PDE4D: variants seen among roughly 807,000 people sequenced by gnomAD.
The protein encoded by PDE4D is 3',5'-cyclic-AMP phosphodiesterase 4D.
In PDE4D, 24 loss-of-function variants were observed where a neutral mutation model predicts 87.4. The observed-to-expected ratio is 0.27, with a 90% CI of 0.20 to 0.39. The LOEUF is 0.39. Among genes scored for constraint, PDE4D ranks in the 10% least tolerant of loss-of-function variants. The pLI is 1.00. For synonymous variants in PDE4D, 384 were observed against 383.2 expected (o/e 1.00, Z -0.02); for missense variants, 714 against 1,041.0 (o/e 0.69, Z 4.32).
chr5:58,991,575 G>C (rs186935438), intron 8 of PDE4D, among the ~76,000 whole-genome samples: 66 of 152,086 alleles, frequency 4.3e-4, no homozygotes, highest in Non-Finnish European at 8.2e-4. Flanking sequence ...CAGAAGACAT[G>C]ACAGATTTCT....
At position 59,764,786 on chromosome 5, in the gene PDE4D, G is replaced by C. The variant is rs77592845; in HGVS notation, c.455+128382C>G. 8.1e-3 allele frequency among the ~76,000 whole-genome samples: 1,230 copies of C among 151,462 alleles called. 10 individuals are homozygous for C. The highest frequency in any genetic ancestry group is 0.029 in the African/African-American group (1,179 of 41,220). On this transcript the variant is annotated intron_variant, in intron 1 of 14. Coordinates refer to ENST00000340635, the MANE Select transcript of PDE4D (RefSeq NM_001104631.2). ...TTCTCGTGCCTCAGCCTCCTGTGGA[G>C]CTGGGATTACAGGCACACATCACCA...
intron 1 of PDE4D, among the ~76,000 whole-genome samples, chr5:59,816,441 A>C (rs1350093033): frequency 1.3e-5 from 2 of 152,234 alleles, no homozygotes; most frequent in Non-Finnish European, 2.9e-5. Context: ...TTGGGAAAAA[A>C]AATGAATGAG....
At chr5:59,063,544 T>G (rs1763455035) in intron 5 of PDE4D, 1 of 152,208 alleles carries the variant, frequency 6.6e-6, no homozygotes. Flanking sequence ...GCTACTAAAC[T>G]TCAAGCCAAC....
At chr5:59,857,220 C>T (rs760771424) in intron 1 of PDE4D, among the ~76,000 whole-genome samples, 1 of 152,178 alleles carries the variant, frequency 6.6e-6, no homozygotes, top group African/African-American at 2.4e-5. Flanking sequence ...TCTGGGTTTA[C>T]ACATCACGCA....
chr5:59,443,682 A>G (rs1797963933), intron 1 of PDE4D, among the ~76,000 whole-genome samples: 1 of 152,246 alleles, frequency 6.6e-6, no homozygotes, highest in Non-Finnish European at 1.5e-5. Flanking sequence ...TGGTACAACC[A>G]TATTTTAAAT....
intron 1 of PDE4D, among the ~76,000 whole-genome samples, chr5:59,387,185 A>G (rs559881968): frequency 1.6e-4 from 24 of 152,316 alleles, no homozygotes; most frequent in African/African-American, 5.8e-4. Context: ...ACAAAAAGTT[A>G]ACTATTTAAT....
chr5:59,407,145 C>G (rs1007177578), intron 1 of PDE4D, among the ~76,000 whole-genome samples: 1 of 152,118 alleles, frequency 6.6e-6, no homozygotes. Flanking sequence ...TGGGAGGTGT[C>G]TGAGTCATGG....
chr5:60,410,164 G>A (rs1383087822), intron 1 of PDE4D, among the ~76,000 whole-genome samples: 1 of 152,166 alleles, frequency 6.6e-6, no homozygotes, highest in Non-Finnish European at 1.5e-5. Context: ...AAAGTGACTA[G>A]CTGAGAGCTA....
intron 1 of PDE4D, among the ~76,000 whole-genome samples, chr5:60,458,991 GTGTGTGTGTGT>G (rs1746711429): frequency 6.6e-6 from 1 of 151,560 alleles, no homozygotes; most frequent in African/African-American, 2.4e-5. Context: ...GTGTGTGTGT[GTGTGTGTGTGT>G]TGTGTGTGTG....
At chr5:59,771,526 G>GAAAGAAAGAAAGAAAGAAA (rs1763559653) in intron 1 of PDE4D, among the ~76,000 whole-genome samples, 1 of 146,454 alleles carries the variant, frequency 6.8e-6, no homozygotes, top group Non-Finnish European at 1.5e-5. Flanking sequence ...AAGAAAGAAA[G>GAAAGAAAGAAAGAAAGAAA]AAAGAAAGAA....
chr5:59,295,916 TAAG>T (rs746652896), intron 1 of PDE4D, among the ~76,000 whole-genome samples: 58 of 151,636 alleles, frequency 3.8e-4, no homozygotes, highest in Non-Finnish European at 7.4e-4. Flanking sequence ...GTCAGGATAA[TAAG>T]GACTCATGGG....
intron 1 of PDE4D, among the ~76,000 whole-genome samples, chr5:59,283,883 A>C (rs1766341049): frequency 6.6e-6 from 1 of 152,158 alleles, no homozygotes; most frequent in Non-Finnish European, 1.5e-5. Context: ...GGGGGATTCA[A>C]ATCCCACAGA....
chr5:59,773,188 A>C (rs1242053507), intron 1 of PDE4D, among the ~76,000 whole-genome samples: 1 of 152,162 alleles, frequency 6.6e-6, no homozygotes, highest in Non-Finnish European at 1.5e-5. Context: ...CCTTGCAATC[A>C]TACTTAGGGT....
At chr5:60,378,071 C>T (rs1761563535) in intron 1 of PDE4D, among the ~76,000 whole-genome samples, 1 of 152,036 alleles carries the variant, frequency 6.6e-6, no homozygotes, top group Non-Finnish European at 1.5e-5. Context: ...CATAATTGCC[C>T]AGTTGGATAT....
intron 1 of PDE4D, among the ~76,000 whole-genome samples, chr5:59,385,275 A>G (rs902361246): frequency 4.6e-5 from 7 of 152,248 alleles, no homozygotes; most frequent in South Asian, 2.1e-4. Context: ...TGTGGGTCAC[A>G]TTTTATAGAA....
At chr5:59,694,564 T>G (rs1751468671) in intron 1 of PDE4D, among the ~76,000 whole-genome samples, 1 of 152,196 alleles carries the variant, frequency 6.6e-6, no homozygotes, top group Non-Finnish European at 1.5e-5. Context: ...ATGTTTCAGC[T>G]GTTGTGTGGG....
Position 60,396,778 on chromosome 5 carries a change from A to C in PDE4D, c.-90+91164T>G, listed in dbSNP as rs184829800. On this transcript the variant is annotated intron_variant, in intron 1 of 16. Transcript: ENST00000502484. The stretch of plus-strand genomic sequence containing the variant: ...CTATGCCAGCTTGGCCTTAGACAAC[A>C]GGTAGATCTGTGTTTCCTTAGTCTT... Among the ~76,000 whole-genome samples, 13 of 152,318 alleles carry C rather than the reference A, an allele frequency of 8.5e-5. No individual in the cohort carries two copies. The East Asian group carries it at 2.3e-3, about 27-fold the overall frequency.
intron 1 of PDE4D, among the ~76,000 whole-genome samples, chr5:59,708,063 A>T (rs1753701709): frequency 6.6e-6 from 1 of 152,176 alleles, no homozygotes; most frequent in Admixed American, 6.5e-5. Context: ...GAACTAATTT[A>T]CATTCCCACC....
chr5:59,001,968 G>A (rs922588005), intron 6 of PDE4D: 8 of 465,780 alleles, frequency 1.7e-5, no homozygotes, highest in South Asian at 3.2e-5. Flanking sequence ...AACCCGGCAT[G>A]TTCCCCTATA....
Sources: allele counts gnomAD v4.1 joint callset (sites outside exome capture counted in the v4.1 genomes callset), GRCh38; gene constraint gnomAD v4.1.1; transcripts MANE v1.5; gene names NCBI Gene and HGNC (gene_info 2026-07-23, HGNC 2026-07-21).